IGSF21: variants seen among roughly 807,000 people sequenced by gnomAD.
The protein encoded by IGSF21 is immunoglobin superfamily member 21.
A neutral mutation model predicts 46.8 loss-of-function variants in IGSF21; 28 were observed. That is an observed-to-expected ratio of 0.60 (90% CI 0.44 to 0.82). The LOEUF is 0.82. Ranked by LOEUF, IGSF21 falls within the 40% of genes least tolerant of loss-of-function variation. The probability of loss-of-function intolerance (pLI) is 0.00; values close to 1 mark genes in which losing one functional copy is unlikely to be tolerated. For synonymous variants in IGSF21, 284 were observed against 273.6 expected (o/e 1.04, Z -0.38); for missense variants, 624 against 665.5 (o/e 0.94, Z 0.69).
chr1:18,304,884 C>G (rs2085396607), intron 3 of IGSF21, among the ~76,000 whole-genome samples: 1 of 152,236 alleles, frequency 6.6e-6, no homozygotes, highest in Non-Finnish European at 1.5e-5. Context: ...ATTTAGTAAA[C>G]AGTTCAGAAT....
chr1:18,275,053 G>A (rs1338862581), intron 2 of IGSF21, among the ~76,000 whole-genome samples: 2 of 145,534 alleles, frequency 1.4e-5, no homozygotes, highest in Non-Finnish European at 3.0e-5. Flanking sequence ...CAAAAAAGAA[G>A]TGGCTACCTA....
At chr1:18,292,021 G>A (rs201062043) in intron 3 of IGSF21, 34 bp downstream of exon 3, 1 of 1,606,106 alleles carries the variant, frequency 6.2e-7, no homozygotes, top group Non-Finnish European at 8.5e-7. Flanking sequence ...CGACAGCGGG[G>A]GAAGGGCGGA....
At chr1:18,149,669 T>A (rs2086503766) in intron 1 of IGSF21, among the ~76,000 whole-genome samples, 1 of 151,370 alleles carries the variant, frequency 6.6e-6, no homozygotes, top group Non-Finnish European at 1.5e-5. Flanking sequence ...ATTGTGGAAA[T>A]CCTGGGTGTT....
At chr1:18,233,314 C>A (rs562394510) in intron 2 of IGSF21, among the ~76,000 whole-genome samples, 10 of 152,140 alleles carry the variant, frequency 6.6e-5, no homozygotes, top group African/African-American at 2.2e-4. Context: ...GATGATGCGA[C>A]CTCGCCAGGT....
chr1:18,158,215 C>T (rs532910955), intron 1 of IGSF21, among the ~76,000 whole-genome samples: 8 of 152,246 alleles, frequency 5.3e-5, no homozygotes, highest in African/African-American at 1.9e-4. Flanking sequence ...TGCCATGGCA[C>T]CCCTGATGGT....
Position 18,139,746 on chromosome 1 carries a change from T to C in IGSF21, c.70+31548T>C, listed in dbSNP as rs898465886. Among the ~76,000 whole-genome samples, 33 of 152,178 alleles carry C rather than the reference T, an allele frequency of 2.2e-4. 1 individual carries two copies. The highest frequency in any genetic ancestry group is 2.0e-3 in the Admixed American group (31 of 15,286). ...TTAATATTGTAGCAGATGCTGTCAG[T>C]GCCTGGCTGTACTCTCTGTATTTCT... On this transcript the variant is annotated intron_variant, in intron 1 of 9. Transcript: ENST00000251296.
chr1:18,240,401 T>A (rs773677021), intron 2 of IGSF21, among the ~76,000 whole-genome samples: 1 of 152,236 alleles, frequency 6.6e-6, no homozygotes, highest in African/African-American at 2.4e-5. Flanking sequence ...AATAAATGCT[T>A]CTTTCAAATT....
At chr1:18,295,720 G>A (rs376613952) in intron 3 of IGSF21, among the ~76,000 whole-genome samples, 3 of 152,190 alleles carry the variant, frequency 2.0e-5, no homozygotes, top group African/African-American at 7.2e-5. Context: ...AGCATCCTTG[G>A]TGCTTCCACA....
At chr1:18,136,430 G>A (rs1192129445) in intron 1 of IGSF21, among the ~76,000 whole-genome samples, 1 of 152,112 alleles carries the variant, frequency 6.6e-6, no homozygotes, top group East Asian at 1.9e-4. Context: ...TGAATTAATT[G>A]TTGTATAAAG....
intron 4 of IGSF21, among the ~76,000 whole-genome samples, chr1:18,358,031 C>T (rs1252032425): frequency 3.3e-5 from 5 of 150,784 alleles, no homozygotes; most frequent in Admixed American, 3.3e-4. Flanking sequence ...TGCAGATCTC[C>T]AGAGAGAGAG....
In IGSF21 at chr1:18,376,783, C is replaced by G; in HGVS notation, c.1102-17C>G. 6.4e-7 allele frequency: 1 copy of G among 1,570,946 alleles called. No homozygotes were observed. Among genetic ancestry groups the G allele is most frequent in the Non-Finnish European group, 8.7e-7 (1 of 1,152,960 alleles). ...GGGCCCTCCTGTGACCCACCTCTCC[C>G]CTGATCTGGCCAACAGAACGAAGTC... is the stretch of plus-strand genomic sequence containing the variant. On this transcript the variant is annotated splice_polypyrimidine_tract_variant and intron_variant, in intron 7 of 9. Coordinates refer to ENST00000251296, the MANE Select transcript of IGSF21 (RefSeq NM_032880.5).
intron 1 of IGSF21, among the ~76,000 whole-genome samples, chr1:18,127,324 G>T (rs941207690): frequency 2.6e-5 from 4 of 152,130 alleles, no homozygotes; most frequent in African/African-American, 9.7e-5. Context: ...TGAGGGACTC[G>T]GGAGCAGAGC....
At chr1:18,281,654 A>C (rs2085162438) in intron 2 of IGSF21, among the ~76,000 whole-genome samples, 1 of 151,902 alleles carries the variant, frequency 6.6e-6, no homozygotes, top group African/African-American at 2.4e-5. Context: ...CTCCTTCCAG[A>C]ACACAAGAGG....
chr1:18,235,646 G>A (rs376331641), intron 2 of IGSF21, among the ~76,000 whole-genome samples: 22 of 152,342 alleles, frequency 1.4e-4, no homozygotes, highest in African/African-American at 5.3e-4. Flanking sequence ...CGAATAGGGG[G>A]TGATGTTGGA....
At chr1:18,153,557 G>A (rs549050954) in intron 1 of IGSF21, among the ~76,000 whole-genome samples, 12 of 152,290 alleles carry the variant, frequency 7.9e-5, no homozygotes, top group African/African-American at 2.2e-4. Flanking sequence ...CAGCAGCCAC[G>A]GGGTGGATGA....
chr1:18,334,004 C>T lies in IGSF21; in HGVS notation c.306-888C>T, dbSNP rs2085740315. ...GAGCACAGTTGCACCAATTTGTTTACACACCGATTGTAGCTGCTTTTGTGC... is the reference window on the plus strand; with the variant it reads ...GAGCACAGTTGCACCAATTTGTTTATACACCGATTGTAGCTGCTTTTGTGC... On this transcript the variant is annotated intron_variant, in intron 3 of 9. Transcript: ENST00000251296. The surrounding 1 kb of genome is among the most constrained non-coding windows in gnomAD (Gnocchi z 4.3). 1.3e-5 allele frequency among the ~76,000 whole-genome samples: 2 copies of T among 152,354 alleles called. No individual in the cohort carries two copies. Among genetic ancestry groups the T allele is most frequent in the South Asian group, 4.1e-4 (2 of 4,826 alleles).
intron 4 of IGSF21, among the ~76,000 whole-genome samples, chr1:18,342,126 C>T (rs183956407): frequency 6.6e-6 from 1 of 151,044 alleles, no homozygotes; most frequent in African/African-American, 2.4e-5. Flanking sequence ...GACAGTCTTG[C>T]TCTGTCCCCC....
intron 4 of IGSF21, among the ~76,000 whole-genome samples, chr1:18,346,949 G>A (rs2085900204): frequency 6.6e-6 from 1 of 152,180 alleles, no homozygotes; most frequent in Admixed American, 6.5e-5. Flanking sequence ...CTGGAGGAAG[G>A]ACACCCATGC....
rs574087637 is a variant in IGSF21 at position 18,291,137 on chromosome 1, G to A, written c.184-729G>A. Among the ~76,000 whole-genome samples, 19 of 152,328 alleles carry A rather than the reference G, an allele frequency of 1.2e-4. No individual in the cohort carries two copies. In the East Asian group the frequency reaches 3.3e-3, roughly 26 times the overall value. On this transcript the variant is annotated intron_variant, in intron 2 of 9. Transcript: ENST00000251296. ...GCAGGCGGGCGGCAGCTGAGGGCAC[G>A]GACGCTTGGGTTCGCTTTCCATCAG...
Sources: gnomAD v4.1 joint callset for allele counts (sites outside exome capture counted in the v4.1 genomes callset) on GRCh38, gnomAD v4.1.1 for gene constraint, Gnocchi (gnomAD v3.1) non-coding constraint, MANE v1.5 for transcripts, NCBI Gene and HGNC (gene_info 2026-07-23, HGNC 2026-07-21) for gene names.